Variants in WWOX observed in about 807,000 individuals in gnomAD.
WWOX encodes WW domain containing oxidoreductase, also known as WW domain-containing oxidoreductase.
In WWOX, 69 loss-of-function variants were observed where a neutral mutation model predicts 46.2. The observed-to-expected ratio is 1.49, with a 90% CI of 1.23 to 1.82. The LOEUF (loss-of-function observed/expected upper bound fraction) is 1.82. Ranked by LOEUF, WWOX falls within the 40% of genes most tolerant of loss-of-function variation. WWOX has a pLI of 0.00. For synonymous variants in WWOX, 359 were observed against 202.6 expected (o/e 1.77, Z -6.56); for missense variants, 919 against 542.6 (o/e 1.69, Z -6.89).
chr16:78,609,321 A>C (rs1328712931), intron 8 of WWOX, among the ~76,000 whole-genome samples: 1 of 151,912 alleles, frequency 6.6e-6, no homozygotes, highest in Non-Finnish European at 1.5e-5. Context: ...CCTCATTTTC[A>C]AGGGGAGGCT....
intron 8 of WWOX, among the ~76,000 whole-genome samples, chr16:78,826,826 C>A (rs534812198): frequency 6.6e-6 from 1 of 152,294 alleles, no homozygotes; most frequent in African/African-American, 2.4e-5. Flanking sequence ...ACCCCTCTCA[C>A]CAGCTGTGTG....
intron 6 of WWOX, among the ~76,000 whole-genome samples, chr16:78,413,529 T>A (rs1264794015): frequency 6.6e-6 from 1 of 152,086 alleles, no homozygotes; most frequent in Admixed American, 6.6e-5. Context: ...TGGTGGAGAT[T>A]ACAAAGTACG....
chr16:79,129,899 G>T (rs531435113), intron 8 of WWOX, among the ~76,000 whole-genome samples: 1 of 152,154 alleles, frequency 6.6e-6, no homozygotes. Flanking sequence ...AAGTGTAAGC[G>T]TCGCTGTTCA....
chr16:78,144,099 C>T (rs1353879090), intron 4 of WWOX, among the ~76,000 whole-genome samples: 1 of 151,974 alleles, frequency 6.6e-6, no homozygotes, highest in Non-Finnish European at 1.5e-5. Context: ...TCCACCTGCC[C>T]CTTGGCTCAG....
chr16:78,892,606 C>T (rs191703419), intron 8 of WWOX, among the ~76,000 whole-genome samples: 33 of 152,304 alleles, frequency 2.2e-4, no homozygotes, highest in Non-Finnish European at 3.2e-4. Flanking sequence ...CCTGTGTTAT[C>T]TACTGAGATT....
intron 5 of WWOX, among the ~76,000 whole-genome samples, chr16:78,269,932 T>TTTTTTTTTTTTTTA (rs2079441517): frequency 6.7e-6 from 1 of 149,984 alleles, no homozygotes; most frequent in African/African-American, 2.5e-5. Flanking sequence ...TTTTTTTTTT[T>TTTTTTTTTTTTTTA]ACTTTCACCA....
chr16:78,448,289 G>A (rs1414414585), intron 8 of WWOX, among the ~76,000 whole-genome samples: 1 of 152,114 alleles, frequency 6.6e-6, no homozygotes, highest in Non-Finnish European at 1.5e-5. Context: ...AAAAAAGGCA[G>A]AAATTAATAA....
At chr16:78,418,635 T>G (rs574410470) in intron 6 of WWOX, among the ~76,000 whole-genome samples, 2 of 152,210 alleles carry the variant, frequency 1.3e-5, no homozygotes, top group South Asian at 4.2e-4. Context: ...TCCAAACAAT[T>G]CACGGTTGGT....
At chr16:78,844,700 C>T (rs1402116396) in intron 8 of WWOX, among the ~76,000 whole-genome samples, 1 of 152,198 alleles carries the variant, frequency 6.6e-6, no homozygotes, top group African/African-American at 2.4e-5. Flanking sequence ...ATTTTGCAGA[C>T]TTTTAAGCTG....
At chr16:78,525,655 T>A (rs2151504768) in intron 8 of WWOX, 1 of 152,242 alleles carries the variant, frequency 6.6e-6, no homozygotes, top group African/African-American at 2.4e-5. Flanking sequence ...TTTCCAACAT[T>A]ATTCACCTCT....
At chr16:78,809,101 A>C (rs1304651346) in intron 8 of WWOX, among the ~76,000 whole-genome samples, 1 of 152,040 alleles carries the variant, frequency 6.6e-6, no homozygotes, top group African/African-American at 2.4e-5. Context: ...CGTTCTGCAC[A>C]CAGAGTGGGC....
intron 8 of WWOX, among the ~76,000 whole-genome samples, chr16:78,802,000 G>A (rs78593611): frequency 6.6e-6 from 1 of 152,088 alleles, no homozygotes; most frequent in Non-Finnish European, 1.5e-5. Flanking sequence ...ATGATGTGTG[G>A]AAAGGGCCTA....
intron 8 of WWOX, among the ~76,000 whole-genome samples, chr16:78,520,016 A>G (rs977021810): frequency 3.3e-5 from 5 of 152,206 alleles, no homozygotes; most frequent in Non-Finnish European, 5.9e-5. Context: ...CACACTGAGA[A>G]CATACTGTGA....
chr16:78,529,709 C>T (rs370349585), intron 8 of WWOX, among the ~76,000 whole-genome samples: 4 of 152,098 alleles, frequency 2.6e-5, no homozygotes, highest in East Asian at 1.9e-4. Context: ...CCTCGTGATC[C>T]ACCCACCTCG....
chr16:78,194,551 G>A (rs975195926), intron 5 of WWOX, among the ~76,000 whole-genome samples: 4 of 142,102 alleles, frequency 2.8e-5, no homozygotes, highest in African/African-American at 5.3e-5. Flanking sequence ...TCATGCTACT[G>A]CACTCCAGGC....
At position 79,207,905 on chromosome 16, in the gene WWOX, C is replaced by G. The variant is rs2051572959; in HGVS notation, c.1057-3703C>G. 5.3e-5 allele frequency among the ~76,000 whole-genome samples: 8 copies of G among 152,132 alleles called. No homozygotes were observed. In the South Asian group the frequency reaches 1.7e-3, roughly 32 times the overall value. ...CTATAAATTGATGGCTAGCAGTTAT[C>G]AAATGAATGTTGATGAAAAGCAGCT... On this transcript the variant is annotated intron_variant, in intron 8 of 8. Transcript: ENST00000566780.
intron 8 of WWOX, among the ~76,000 whole-genome samples, chr16:79,179,605 G>C (rs1356265692): frequency 2.6e-5 from 4 of 152,218 alleles, no homozygotes; most frequent in African/African-American, 9.6e-5. Context: ...CTTCTGGCTG[G>C]TTCCTTGAGT....
At chr16:79,002,757 C>T (rs1471608978) in intron 8 of WWOX, among the ~76,000 whole-genome samples, 2 of 152,174 alleles carry the variant, frequency 1.3e-5, no homozygotes, top group Non-Finnish European at 2.9e-5. Flanking sequence ...CGGGTTCTCC[C>T]TGTCTATAAG....
intron 8 of WWOX, among the ~76,000 whole-genome samples, chr16:79,089,628 C>G (rs1434628132): frequency 6.6e-6 from 1 of 152,186 alleles, no homozygotes; most frequent in Non-Finnish European, 1.5e-5. Context: ...CCACGCCCTG[C>G]TAAGGTGGCA....
Sources: gnomAD v4.1 joint callset for allele counts (sites outside exome capture counted in the v4.1 genomes callset) on GRCh38, gnomAD v4.1.1 for gene constraint, MANE v1.5 for transcripts, NCBI Gene and HGNC (gene_info 2026-07-23, HGNC 2026-07-21) for gene names.